NEXN: variants seen among roughly 807,000 people sequenced by gnomAD.
The protein encoded by NEXN is nexilin.
NEXN carries 65 observed loss-of-function variants against 92.6 expected under a neutral mutation model. That is an observed-to-expected ratio of 0.70 (90% confidence interval 0.57 to 0.86). The LOEUF is 0.86. Ranked by LOEUF, NEXN falls within the 40% of genes least tolerant of loss-of-function variation. The pLI, the probability that NEXN is intolerant of heterozygous loss-of-function variation, is 0.00. For missense variants in NEXN, 778 were observed against 771.1 expected, an observed-to-expected ratio of 1.01 and a Z score of -0.11; for synonymous variants, 254 against 242.5, an observed-to-expected ratio of 1.05 and a Z score of -0.44.
intron 1 of NEXN, among the ~76,000 whole-genome samples, chr1:77,890,970 C>T (rs993531628): frequency 1.3e-5 from 2 of 152,136 alleles, no homozygotes. Flanking sequence ...AACAATTTCA[C>T]ATATTTCTGT....
At chr1:77,911,314 G>A (rs957574061) in intron 1 of NEXN, among the ~76,000 whole-genome samples, 4 of 152,148 alleles carry the variant, frequency 2.6e-5, no homozygotes, top group South Asian at 2.1e-4. Context: ...TGCTTTGGCC[G>A]GGCAAAATGG....
intron 8 of NEXN, among the ~76,000 whole-genome samples, chr1:77,929,100 A>T (rs1198213276): frequency 3.9e-5 from 6 of 152,192 alleles, no homozygotes; most frequent in Non-Finnish European, 7.3e-5. Context: ...TTATTTGAGA[A>T]GTTTTATTTA....
At chr1:77,928,051 G>A (rs930970137) in intron 8 of NEXN, among the ~76,000 whole-genome samples, 1 of 152,070 alleles carries the variant, frequency 6.6e-6, no homozygotes, top group African/African-American at 2.4e-5. Context: ...GGCCATGCCT[G>A]TAATCTCAGC....
chr1:77,908,329 C>T lies in NEXN; in HGVS notation c.-52-7726C>T, dbSNP rs1447037076. 2.0e-5 allele frequency among the ~76,000 whole-genome samples: 3 copies of T among 151,900 alleles called. No individual in the cohort carries two copies. The East Asian group carries it at 5.8e-4, about 29-fold the overall frequency. On this transcript the variant is annotated intron_variant, in intron 1 of 12. Transcript: ENST00000334785. The stretch of plus-strand genomic sequence containing the variant: ...GGCTCAAGCGATTCTCCCACCTCAG[C>T]CTCCCAAAGTGTTGGGATTACAGGT...
chr1:77,933,110 G>A, intron 9 of NEXN, 172 bp from the exon 10 acceptor site: 2 of 514,876 alleles, frequency 3.9e-6, no homozygotes, highest in Non-Finnish European at 7.0e-6. Flanking sequence ...GTAGTGAGCT[G>A]AGATCACATC....
In NEXN at chr1:77,938,945, TA is replaced by T. The variant is rs532100782; in HGVS notation, c.1473+2904del. Among the ~76,000 whole-genome samples the T allele has an allele frequency of 3.3e-3, 496 of 152,328 alleles. 2 individuals are homozygous for T. Among genetic ancestry groups the T allele is most frequent in the Non-Finnish European group, 4.7e-3 (317 of 68,038 alleles). ...TGTGGCTAGTTAATGAAAGTCTTTT[TA>T]AACCTTGCAGGCTCTATGATCTGGG... On this transcript the variant is annotated intron_variant, in intron 11 of 12. Transcript: ENST00000334785.
chr1:77,927,802 C>CT lies in NEXN; in HGVS notation c.864+921dup, dbSNP rs879332113. On this transcript the variant is annotated intron_variant, in intron 8 of 12. Transcript: ENST00000334785. ...ATGGTAAAAATGAAAGCGCCTACTT[C>CT]TTTTTTTTTTTAACTTCCACAATGA... 3.1e-3 allele frequency among the ~76,000 whole-genome samples: 431 copies of CT among 141,080 alleles called. 2 individuals are homozygous for CT. Among genetic ancestry groups the CT allele is most frequent in the African/African-American group, 9.6e-3 (372 of 38,598 alleles). The allele number at this position is 141,080 out of a possible 152,430, so 92.6% of individuals were successfully genotyped here. A position where few individuals can be genotyped will look rare whatever the true frequency, so the allele number is the denominator to read the frequency against.
chr1:77,922,082 A>G (rs1441077881), intron 5 of NEXN, among the ~76,000 whole-genome samples: 1 of 150,274 alleles, frequency 6.7e-6, no homozygotes, highest in Non-Finnish European at 1.5e-5. Context: ...GGACCTTTTT[A>G]TTGAGAGATT....
intron 8 of NEXN, among the ~76,000 whole-genome samples, chr1:77,928,217 G>A (rs1650018670): frequency 6.6e-6 from 1 of 151,330 alleles, no homozygotes; most frequent in Admixed American, 6.6e-5. Context: ...GTGCTGAGGC[G>A]AGAGGATTGC....
At chr1:77,907,531 C>A (rs1648206523) in intron 1 of NEXN, among the ~76,000 whole-genome samples, 1 of 152,202 alleles carries the variant, frequency 6.6e-6, no homozygotes, top group African/African-American at 2.4e-5. Flanking sequence ...AGTAAAGGAT[C>A]ACTTGCTTAT....
At chr1:77,905,968 G>A (rs1380886585) in intron 1 of NEXN, among the ~76,000 whole-genome samples, 3 of 152,054 alleles carry the variant, frequency 2.0e-5, no homozygotes, top group Admixed American at 6.6e-5. Flanking sequence ...GGCTACAGAA[G>A]TAATTTAATC....
At chr1:77,892,951 C>G (rs1265771050) in intron 1 of NEXN, among the ~76,000 whole-genome samples, 1 of 151,512 alleles carries the variant, frequency 6.6e-6, no homozygotes, top group African/African-American at 2.4e-5. Flanking sequence ...ACTGCAGCCT[C>G]TATCTCCTGG....
chr1:77,935,853 A>G lies in NEXN; in HGVS notation c.1282A>G (p.Ser428Gly). The change falls in exon 11 of 13, where the codon AGC becomes GGC. Residue 428 changes from serine to glycine, a missense_variant. Physicochemically the swap from Ser to Gly is moderately conservative, Grantham distance 56. Transcript: ENST00000334785. ...GGAAGAAAATGAAACCTTTGGATTG[A>G]GCAGAGAATATGAAGAACTGATCAA... ...EEEENETFGL[S>G]REYEELIKLK... The G allele has an allele frequency of 4.3e-6, 7 of 1,613,184 alleles. No individual in the cohort carries two copies. Among genetic ancestry groups the G allele is most frequent in the Non-Finnish European group, 5.1e-6 (6 of 1,179,916 alleles).
At chr1:77,910,199 G>A (rs780399469) in intron 1 of NEXN, among the ~76,000 whole-genome samples, 3 of 152,172 alleles carry the variant, frequency 2.0e-5, no homozygotes, top group Non-Finnish European at 2.9e-5. Context: ...CGGCATCTAA[G>A]AAAAGCCTAC....
rs773500471 is a variant in NEXN, at chr1:77,918,199, C to A, written c.373C>A (p.Arg125=). 5 of 1,613,546 alleles carry A rather than the reference C, an allele frequency of 3.1e-6. No individual in the cohort carries two copies. The highest frequency in any genetic ancestry group is 3.4e-6 in the Non-Finnish European group (4 of 1,179,866). The change falls in exon 5 of 13, where the codon CGA becomes AGA. Residue 125 remains arginine, a synonymous_variant. Coordinates refer to ENST00000334785, the MANE Select transcript of NEXN (RefSeq NM_144573.4). ...ACAAAGGAAGAGAACGGAGGAGGAA[C>A]GAAAACGCAGAATTGAGCAGGATAT... The part of the protein sequence containing the change: ...EEQRKRTEEE[R]KRRIEQDMLE...
chr1:77,926,916 A>G (rs369784563), intron 8 of NEXN, 24 bp downstream of exon 8: 2 of 1,613,380 alleles, frequency 1.2e-6, no homozygotes, highest in Non-Finnish European at 1.7e-6. Context: ...TTTAAACCTT[A>G]CAATTAATAT....
intron 1 of NEXN, among the ~76,000 whole-genome samples, chr1:77,894,273 C>T (rs528118325): frequency 3.3e-5 from 5 of 152,050 alleles, no homozygotes; most frequent in Non-Finnish European, 5.9e-5. Context: ...TCTTGGTTTT[C>T]GGTGAGGAAT....
intron 5 of NEXN, among the ~76,000 whole-genome samples, chr1:77,920,704 GA>G (rs1649356108): frequency 6.6e-6 from 1 of 151,344 alleles, no homozygotes. Flanking sequence ...ATTTGGGGAA[GA>G]AACTTGATTT....
At chr1:77,937,579 C>G (rs1365215894) in intron 11 of NEXN, among the ~76,000 whole-genome samples, 2 of 151,932 alleles carry the variant, frequency 1.3e-5, no homozygotes, top group Non-Finnish European at 2.9e-5. Flanking sequence ...ATCCCACCTA[C>G]TAGGGAGGCT....
Sources: gnomAD v4.1 joint callset for allele counts (sites outside exome capture counted in the v4.1 genomes callset) on GRCh38, gnomAD v4.1.1 for gene constraint, MANE v1.5 for transcripts, NCBI Gene and HGNC (gene_info 2026-07-23, HGNC 2026-07-21) for gene names.